Variants in MGST1 observed in about 807,000 individuals in gnomAD.
MGST1 encodes the protein glutathione S-transferase 12.
In MGST1, 5 loss-of-function variants were observed where a neutral mutation model predicts 8.9. That is an observed-to-expected ratio of 0.56 (90% CI 0.29 to 1.19). The LOEUF (loss-of-function observed/expected upper bound fraction) is 1.19. Ranked by LOEUF, MGST1 falls within the 50% of genes most tolerant of loss-of-function variation. The probability of loss-of-function intolerance (pLI) is 0.08; values close to 1 mark genes in which losing one functional copy is unlikely to be tolerated. For synonymous variants in MGST1, 54 were observed against 67.8 expected (o/e 0.80, Z 1.00); for missense variants, 182 against 187.4 (o/e 0.97, Z 0.17).
intron 1 of MGST1, among the ~76,000 whole-genome samples, chr12:16,419,741 A>G (rs575317586): frequency 1.3e-5 from 2 of 152,294 alleles, no homozygotes; most frequent in East Asian, 1.9e-4. Flanking sequence ...GGAAGGTTAT[A>G]TATCTCAGCC....
intron 3 of MGST1, chr12:16,376,044 A>C: frequency 2.0e-6 from 2 of 980,276 alleles, no homozygotes; most frequent in Non-Finnish European, 2.8e-6. Flanking sequence ...CATATATATA[A>C]ATGTATTTTA....
chr12:16,501,098 GAAAA>G (rs71054822), intron 4 of MGST1, among the ~76,000 whole-genome samples: 13 of 83,816 alleles, frequency 1.6e-4, no homozygotes, highest in Admixed American at 3.8e-4. Context: ...ACTCTGTCTC[GAAAA>G]AAAAAAAAAA....
chr12:16,533,139 G>A (rs1941732398), intron 4 of MGST1, among the ~76,000 whole-genome samples: 2 of 152,094 alleles, frequency 1.3e-5, no homozygotes, highest in Admixed American at 1.3e-4. Flanking sequence ...TTCTGGTTTT[G>A]CTTCATTTTG....
intron 4 of MGST1, among the ~76,000 whole-genome samples, chr12:16,531,700 G>C (rs998635747): frequency 6.6e-5 from 10 of 152,132 alleles, no homozygotes; most frequent in Non-Finnish European, 1.5e-4. Context: ...CACTCAGAGA[G>C]ACAGGTTGGT....
At chr12:16,350,967 G>A (rs1020344334) in intron 1 of MGST1, among the ~76,000 whole-genome samples, 2 of 152,138 alleles carry the variant, frequency 1.3e-5, no homozygotes, top group African/African-American at 4.8e-5. Context: ...ACTTCTTTGT[G>A]TACTTTCCTA....
At chr12:16,499,484 T>C (rs1941491243) in intron 4 of MGST1, among the ~76,000 whole-genome samples, 1 of 152,160 alleles carries the variant, frequency 6.6e-6, no homozygotes, top group African/African-American at 2.4e-5. Flanking sequence ...CTATGGCTCC[T>C]GTTAGTGTTT....
At chr12:16,428,764 T>C (rs1176239569) in intron 1 of MGST1, among the ~76,000 whole-genome samples, 1 of 152,078 alleles carries the variant, frequency 6.6e-6, no homozygotes, top group Non-Finnish European at 1.5e-5. Flanking sequence ...TTACATTTTG[T>C]TTGTTATTTT....
At chr12:16,522,790 G>T (rs138721127) in intron 4 of MGST1, among the ~76,000 whole-genome samples, 61 of 152,168 alleles carry the variant, frequency 4.0e-4, no homozygotes, top group African/African-American at 1.3e-3. Context: ...AGTTTTGTAA[G>T]TGTGCTGATG....
In MGST1 at chr12:16,589,170, A is replaced by G. The variant is rs2137603337; in HGVS notation, n.483-358A>G. Reference sequence around the variant, plus strand: ...CACCCAGTTTGGAAGATTTTAGGGAAGTGACAAGAACTCATGTAACTTTTT... The same window carrying G: ...CACCCAGTTTGGAAGATTTTAGGGAGGTGACAAGAACTCATGTAACTTTTT... On this transcript the variant is annotated intron_variant and non_coding_transcript_variant, in intron 4 of 4. Transcript: ENST00000538857. This position sits in a 1 kb window ranked among gnomAD's most constrained non-coding sequence, Gnocchi z 4.2. Among the ~76,000 whole-genome samples, 1 of 152,270 alleles carries G rather than the reference A, an allele frequency of 6.6e-6. No homozygotes were observed. The highest frequency in any genetic ancestry group is 2.1e-4 in the South Asian group (1 of 4,824).
At chr12:16,405,632 A>G (rs1365038434) in intron 1 of MGST1, among the ~76,000 whole-genome samples, 3 of 152,150 alleles carry the variant, frequency 2.0e-5, no homozygotes, top group East Asian at 3.9e-4. Context: ...TCACGCCAAT[A>G]TCCTTGATGA....
intron 4 of MGST1, among the ~76,000 whole-genome samples, chr12:16,479,249 T>C (rs1941347657): frequency 6.8e-6 from 1 of 147,214 alleles, no homozygotes. Context: ...TTTTTTTTTT[T>C]TTTTTGACGG....
chr12:16,406,651 C>T (rs1490581099), intron 1 of MGST1, among the ~76,000 whole-genome samples: 1 of 152,178 alleles, frequency 6.6e-6, no homozygotes, highest in African/African-American at 2.4e-5. Flanking sequence ...TACTGGACTT[C>T]AAACTATACT....
downstream of MGST1, among the ~76,000 whole-genome samples, chr12:16,589,760 G>A (rs1025289789): frequency 1.1e-4 from 17 of 152,134 alleles, no homozygotes; most frequent in African/African-American, 4.1e-4. This position sits in a 1 kb window ranked among gnomAD's most constrained non-coding sequence, Gnocchi z 4.2. Context: ...CAAGTGATTA[G>A]GAATATAGGT....
At chr12:16,367,779 C>G (rs567069743), downstream of MGST1, among the ~76,000 whole-genome samples, 2 of 152,310 alleles carry the variant, frequency 1.3e-5, no homozygotes, top group East Asian at 3.9e-4. Flanking sequence ...CCACAGCACC[C>G]CACATTCAAT....
Position 16,586,286 on chromosome 12 carries a change from T to G in MGST1, n.483-3242T>G, listed in dbSNP as rs540070608. ...AATCTCTGGCAAGAACACAGAGTGT[T>G]AAGATGTCATGATACGATGAAGTCC... On this transcript the variant is annotated intron_variant and non_coding_transcript_variant, in intron 4 of 4. Coordinates refer to the MGST1 transcript ENST00000538857. This position sits in a 1 kb window ranked among gnomAD's most constrained non-coding sequence, Gnocchi z 4.3. Among the ~76,000 whole-genome samples, 71 of 152,256 alleles carry G rather than the reference T, an allele frequency of 4.7e-4. No individual in the cohort carries two copies. Among genetic ancestry groups the G allele is most frequent in the African/African-American group, 1.7e-3 (71 of 41,546 alleles).
At chr12:16,485,110 A>G (rs1446419751) in intron 4 of MGST1, among the ~76,000 whole-genome samples, 1 of 152,158 alleles carries the variant, frequency 6.6e-6, no homozygotes, top group Non-Finnish European at 1.5e-5. Flanking sequence ...TACTCTGTTG[A>G]CCACCTTCCC....
At chr12:16,353,199 A>G (rs531660551) in intron 1 of MGST1, among the ~76,000 whole-genome samples, 66 of 151,828 alleles carry the variant, frequency 4.3e-4, no homozygotes, top group African/African-American at 1.4e-3. Flanking sequence ...ACACCCGGCT[A>G]ATTTTTTGTA....
chr12:16,406,605 A>G (rs972623774), intron 1 of MGST1, among the ~76,000 whole-genome samples: 2 of 152,224 alleles, frequency 1.3e-5, no homozygotes, highest in Admixed American at 1.3e-4. Flanking sequence ...ATGAATTGCC[A>G]AGGCAATCCT....
chr12:16,373,601 G>C (rs1360109938), intron 3 of MGST1, among the ~76,000 whole-genome samples: 1 of 151,754 alleles, frequency 6.6e-6, no homozygotes, highest in African/African-American at 2.4e-5. Context: ...ATTTACTCTG[G>C]CCTTTTACAA....
Sources: gnomAD v4.1 joint callset for allele counts (sites outside exome capture counted in the v4.1 genomes callset) on GRCh38, gnomAD v4.1.1 for gene constraint, Gnocchi (gnomAD v3.1) non-coding constraint, MANE v1.5 for transcripts, NCBI Gene and HGNC (gene_info 2026-07-23, HGNC 2026-07-21) for gene names.